NRG1: variants seen among roughly 807,000 people sequenced by gnomAD.
The protein encoded by NRG1 is pro-neuregulin-1, membrane-bound isoform.
In NRG1, 18 loss-of-function variants were observed where a neutral mutation model predicts 63.8. The observed-to-expected ratio is 0.28, with a 90% CI of 0.19 to 0.42. The LOEUF is 0.42. Ranked by LOEUF, NRG1 falls within the 10% of genes least tolerant of loss-of-function variation. The probability of loss-of-function intolerance (pLI) is 1.00; values close to 1 mark genes in which losing one functional copy is unlikely to be tolerated. For synonymous variants in NRG1, 302 were observed against 301.3 expected, an observed-to-expected ratio of 1.00 and a Z score of -0.02; for missense variants, 762 against 814.7, an observed-to-expected ratio of 0.94 and a Z score of 0.79.
intron 1 of NRG1, among the ~76,000 whole-genome samples, chr8:32,555,722 T>C (rs112852637): frequency 0.41 from 62,716 of 152,042 alleles, 14,198 homozygotes; most frequent in Admixed American, 0.51. Context: ...CCGCCCGCCT[T>C]GGCCTCCCAA....
chr8:32,731,281 G>C (rs1823590916), intron 6 of NRG1, among the ~76,000 whole-genome samples: 1 of 152,024 alleles, frequency 6.6e-6, no homozygotes, highest in African/African-American at 2.4e-5. Flanking sequence ...GTAAAAACGT[G>C]CTATATTTTA....
intron 1 of NRG1, among the ~76,000 whole-genome samples, chr8:31,977,542 C>G (rs1808390316): frequency 6.6e-6 from 1 of 152,044 alleles, no homozygotes; most frequent in South Asian, 2.1e-4. Flanking sequence ...TCCAATTCAT[C>G]CTATGCATCA....
chr8:31,895,639 C>G (rs1308758247), intron 1 of NRG1, among the ~76,000 whole-genome samples: 1 of 152,106 alleles, frequency 6.6e-6, no homozygotes, highest in Non-Finnish European at 1.5e-5. Context: ...CCTAGTTCTG[C>G]CTGTGCTATC....
intron 1 of NRG1, among the ~76,000 whole-genome samples, chr8:31,978,434 T>G (rs1370857278): frequency 2.0e-5 from 3 of 152,134 alleles, no homozygotes; most frequent in African/African-American, 7.2e-5. Flanking sequence ...CAGTGTATTT[T>G]CTCCCTGAAA....
At chr8:32,335,192 A>G (rs980925066) in intron 1 of NRG1, among the ~76,000 whole-genome samples, 5 of 152,152 alleles carry the variant, frequency 3.3e-5, no homozygotes, top group African/African-American at 9.7e-5. Flanking sequence ...ATATAAAACT[A>G]TTTTCTTATT....
chr8:32,477,086 G>C (rs1301268566), intron 1 of NRG1, among the ~76,000 whole-genome samples: 1 of 152,194 alleles, frequency 6.6e-6, no homozygotes, highest in African/African-American at 2.4e-5. Context: ...GAGAATTGAT[G>C]ATTATGGAAG....
At chr8:32,673,607 A>G (rs1426125116) in intron 5 of NRG1, among the ~76,000 whole-genome samples, 2 of 152,210 alleles carry the variant, frequency 1.3e-5, no homozygotes, top group Non-Finnish European at 2.9e-5. Flanking sequence ...AAAACACACA[A>G]CAACCTACTA....
Position 32,273,754 on chromosome 8 carries a change from T to C in NRG1, c.38-322074T>C, listed in dbSNP as rs948503331. Among the ~76,000 whole-genome samples the C allele has an allele frequency of 2.6e-5, 4 of 152,188 alleles. No homozygotes were observed. The East Asian group carries it at 7.7e-4, about 29-fold the overall frequency. On this transcript the variant is annotated intron_variant, in intron 1 of 10. Transcript: ENST00000519301. ...TCTTTTTAAGTAGTTTGTGATAATT[T>C]TGGAATTTGAAAGAAACTTTAAAGG...
At chr8:31,968,518 G>A (rs1048621454) in intron 1 of NRG1, among the ~76,000 whole-genome samples, 10 of 152,114 alleles carry the variant, frequency 6.6e-5, no homozygotes, top group African/African-American at 2.2e-4. Context: ...AGCCCCAAAA[G>A]AGCAGAGACC....
At chr8:32,198,389 GCTGGT>G (rs1342997416) in intron 1 of NRG1, among the ~76,000 whole-genome samples, 1 of 152,070 alleles carries the variant, frequency 6.6e-6, no homozygotes, top group East Asian at 1.9e-4. Context: ...TGTTGGTCAG[GCTGGT>G]CTCGAACTCC....
At chr8:32,090,486 A>T (rs915978737) in intron 1 of NRG1, among the ~76,000 whole-genome samples, 21 of 152,078 alleles carry the variant, frequency 1.4e-4, no homozygotes, top group African/African-American at 4.8e-4. Flanking sequence ...AGACCCAGCT[A>T]ATTTTTGTAT....
chr8:32,757,122 A>T (rs992495127), intron 9 of NRG1, among the ~76,000 whole-genome samples: 4 of 152,208 alleles, frequency 2.6e-5, no homozygotes, highest in African/African-American at 9.6e-5. Context: ...AGCCCTCCAG[A>T]TGAAATATAT....
chr8:32,596,920 A>C (rs944793423), intron 2 of NRG1, among the ~76,000 whole-genome samples: 11 of 152,126 alleles, frequency 7.2e-5, no homozygotes, highest in Admixed American at 7.2e-4. Flanking sequence ...TCCATATTTG[A>C]CAGGGCTTCA....
intron 1 of NRG1, among the ~76,000 whole-genome samples, chr8:31,656,003 C>T (rs1252834899): frequency 1.3e-5 from 2 of 152,130 alleles, no homozygotes; most frequent in South Asian, 2.1e-4. Flanking sequence ...CATGGAAATA[C>T]CAAGGAAGCA....
intron 5 of NRG1, among the ~76,000 whole-genome samples, chr8:32,726,348 C>G (rs965160716): frequency 6.6e-6 from 1 of 151,860 alleles, no homozygotes; most frequent in African/African-American, 2.4e-5. Context: ...ATTCCTTTAT[C>G]TAGATTATTT....
At chr8:31,840,466 C>T (rs1195795093) in intron 1 of NRG1, among the ~76,000 whole-genome samples, 1 of 150,208 alleles carries the variant, frequency 6.7e-6, no homozygotes, top group Non-Finnish European at 1.5e-5. Context: ...AGTCTGACTG[C>T]ATTCCACCTG....
At chr8:32,410,176 C>CTTTTTTTT (rs374377158) in intron 1 of NRG1, among the ~76,000 whole-genome samples, 2 of 99,306 alleles carry the variant, frequency 2.0e-5, no homozygotes, top group Non-Finnish European at 3.9e-5. Flanking sequence ...TTTTTCTTTC[C>CTTTTTTTT]TTTTTTTTTT....
chr8:31,723,474 AGTCTTATTAT>A (rs1813123096), intron 1 of NRG1, among the ~76,000 whole-genome samples: 1 of 151,802 alleles, frequency 6.6e-6, no homozygotes, highest in African/African-American at 2.4e-5. Flanking sequence ...TTCGAGATGG[AGTCTTATTAT>A]GTTGTCCAGG....
chr8:32,235,452 T>C (rs914667688), intron 1 of NRG1, among the ~76,000 whole-genome samples: 3 of 152,064 alleles, frequency 2.0e-5, no homozygotes, highest in Non-Finnish European at 4.4e-5. Flanking sequence ...CTGAAGGTCA[T>C]GGCTAACAGA....
Sources: gnomAD v4.1 joint callset for allele counts (sites outside exome capture counted in the v4.1 genomes callset) on GRCh38, gnomAD v4.1.1 for gene constraint, MANE v1.5 for transcripts, NCBI Gene and HGNC (gene_info 2026-07-23, HGNC 2026-07-21) for gene names.